ATP10B: variants seen among roughly 807,000 people sequenced by gnomAD.
ATP10B encodes phospholipid-transporting ATPase VB.
ATP10B carries 122 observed loss-of-function variants against 141.2 expected under a neutral mutation model. The observed-to-expected ratio is 0.86, with a 90% CI of 0.75 to 1.00. The LOEUF (loss-of-function observed/expected upper bound fraction) is 1.00. ATP10B is among the 50% of genes least tolerant of loss of function. The pLI, the probability that ATP10B is intolerant of heterozygous loss-of-function variation, is 0.00. For missense variants in ATP10B, 1,876 were observed against 1,825.3 expected, an observed-to-expected ratio of 1.03 and a Z score of -0.51; for synonymous variants, 685 against 692.0, an observed-to-expected ratio of 0.99 and a Z score of 0.16.
At chr5:160,635,499 G>A (rs749283374) in intron 11 of ATP10B, among the ~76,000 whole-genome samples, 2 of 152,086 alleles carry the variant, frequency 1.3e-5, no homozygotes, top group African/African-American at 2.4e-5. Context: ...GATTTAATTC[G>A]CATTTAAAAT....
At chr5:160,628,350 C>T (rs535169637) in intron 13 of ATP10B, among the ~76,000 whole-genome samples, 2 of 152,346 alleles carry the variant, frequency 1.3e-5, no homozygotes, top group South Asian at 2.1e-4. Context: ...TTCACTGCTT[C>T]CTGCCCTGTG....
chr5:160,756,827 T>G (rs2127832610), intron 2 of ATP10B, among the ~76,000 whole-genome samples: 1 of 152,294 alleles, frequency 6.6e-6, no homozygotes, highest in South Asian at 2.1e-4. Flanking sequence ...TAATAAGTTA[T>G]AAGAGTTCTT....
chr5:160,901,413 C>T, the ATP10B span, among the ~76,000 whole-genome samples: 16 of 152,172 alleles, frequency 1.1e-4, no homozygotes, highest in African/African-American at 3.9e-4. Flanking sequence ...GCTAAGGATT[C>T]ATTCATTAAA....
chr5:160,885,883 A>G, the ATP10B span, among the ~76,000 whole-genome samples: 1 of 152,244 alleles, frequency 6.6e-6, no homozygotes, highest in African/African-American at 2.4e-5. Flanking sequence ...TAACTTAGAT[A>G]CACGTCCTCT....
At chr5:160,804,537 T>C (rs1056537178) in intron 1 of ATP10B, among the ~76,000 whole-genome samples, 2 of 152,204 alleles carry the variant, frequency 1.3e-5, no homozygotes, top group African/African-American at 4.8e-5. Context: ...CCCATAGTCA[T>C]ATAGCTGGTA....
chr5:160,914,582 A>G, the ATP10B span, among the ~76,000 whole-genome samples: 2 of 152,038 alleles, frequency 1.3e-5, no homozygotes, highest in African/African-American at 4.8e-5. Flanking sequence ...CTGTACTGCT[A>G]TTTTTTATTG....
the ATP10B span, among the ~76,000 whole-genome samples, chr5:160,924,062 G>A: frequency 3.3e-5 from 5 of 152,166 alleles, no homozygotes; most frequent in African/African-American, 1.2e-4. Context: ...ATAAGATTAG[G>A]CAAAAGAAAA....
intron 1 of ATP10B, among the ~76,000 whole-genome samples, chr5:160,797,728 A>G (rs1455689966): frequency 7.0e-6 from 1 of 142,434 alleles, no homozygotes; most frequent in East Asian, 2.2e-4. Flanking sequence ...GAGAAAGCTA[A>G]GAAAATGCAC....
the ATP10B span, among the ~76,000 whole-genome samples, chr5:160,863,235 G>A: frequency 6.6e-6 from 1 of 151,944 alleles, no homozygotes; most frequent in Non-Finnish European, 1.5e-5. Flanking sequence ...CAGGTGCCTG[G>A]TAACAGCCTG....
Position 160,634,382 on chromosome 5 carries a change from C to T in ATP10B, c.1353G>A (p.Met451Ile), listed in dbSNP as rs1759187945. Reference sequence around the variant, plus strand: ...TTTCTTGGTGAGAATACTCGCTGCCCATGATGGTGCAACGTCGGAACACCA... The same window carrying T: ...TTTCTTGGTGAGAATACTCGCTGCCTATGATGGTGCAACGTCGGAACACCA... ...NKMVFRRCTI[M>I]GSEYSHQENA... Residue 451 changes from methionine (M) to isoleucine (I), a missense_variant, in exon 12 of 26, where the codon ATG becomes ATA. Coordinates refer to ENST00000327245, the MANE Select transcript of ATP10B (RefSeq NM_025153.3). The T allele has an allele frequency of 6.2e-7, 1 of 1,614,122 alleles. No homozygotes were observed. The highest frequency in any genetic ancestry group is 8.5e-7 in the Non-Finnish European group (1 of 1,180,022).
rs79542832 is a variant in ATP10B, at chr5:160,730,322, T to C, written c.-330-13288A>G. ...GTTCTCAACTTTCATACCTGCTACC[T>C]GCTGTCTCATTTCATTGCTACCCTG... On this transcript the variant is annotated intron_variant, in intron 2 of 25. Transcript: ENST00000327245. Among the ~76,000 whole-genome samples the C allele has an allele frequency of 3.3e-3, 495 of 152,258 alleles. 2 individuals carry two copies. Among genetic ancestry groups the C allele is most frequent in the African/African-American group, 0.011 (471 of 41,552 alleles).
the ATP10B span, among the ~76,000 whole-genome samples, chr5:160,929,045 T>C: frequency 6.6e-6 from 1 of 152,174 alleles, no homozygotes; most frequent in East Asian, 1.9e-4. Flanking sequence ...TGGGATCCTG[T>C]TGCTGCTGGT....
chr5:160,603,514 T>C lies in ATP10B; in HGVS notation c.3237+451A>G, dbSNP rs533662166. 3.0e-4 allele frequency: 54 copies of C among 177,676 alleles called. 1 individual carries two copies. The highest frequency in any genetic ancestry group is 2.7e-3 in the Middle Eastern group (1 of 368). The allele number at this position is 177,676 out of a possible 1,614,324, so 11.0% of individuals were successfully genotyped here. A position where few individuals can be genotyped will look rare whatever the true frequency, so the allele number is the denominator to read the frequency against. ...GTAGCCCAATACAATTCTTCTTCCA[T>C]TGTGGCCCAGGGAAGCCAGAAGATT... On this transcript the variant is annotated intron_variant, in intron 20 of 25. Transcript: ENST00000327245.
chr5:160,819,466 C>T (rs1773938188), intron 1 of ATP10B, among the ~76,000 whole-genome samples: 1 of 152,010 alleles, frequency 6.6e-6, no homozygotes, highest in Non-Finnish European at 1.5e-5. Context: ...CATTAATGAA[C>T]AATAAGAAAT....
intron 1 of ATP10B, among the ~76,000 whole-genome samples, chr5:160,797,504 T>C (rs746709299): frequency 7.2e-5 from 11 of 152,184 alleles, no homozygotes; most frequent in Admixed American, 2.0e-4. Context: ...CGATCTTGCC[T>C]CCAGTCTAAG....
At chr5:160,690,404 T>A (rs1764008939) in intron 3 of ATP10B, among the ~76,000 whole-genome samples, 1 of 152,090 alleles carries the variant, frequency 6.6e-6, no homozygotes, top group Admixed American at 6.6e-5. Flanking sequence ...GAAACTATCA[T>A]CAGGGTGAAC....
the ATP10B span, among the ~76,000 whole-genome samples, chr5:160,868,413 A>T: frequency 1.3e-5 from 2 of 152,006 alleles, no homozygotes. Context: ...CATACATTGA[A>T]CATTTTACTT....
chr5:160,724,774 C>T (rs1766222184), intron 2 of ATP10B, among the ~76,000 whole-genome samples: 1 of 152,210 alleles, frequency 6.6e-6, no homozygotes, highest in Non-Finnish European at 1.5e-5. Flanking sequence ...AGCACCTCCT[C>T]TGTTTCTTGC....
At chr5:160,760,054 C>T (rs140598285) in intron 2 of ATP10B, among the ~76,000 whole-genome samples, 33 of 152,204 alleles carry the variant, frequency 2.2e-4, no homozygotes, top group Admixed American at 7.2e-4. Flanking sequence ...TGTGTCTTTA[C>T]GCAATGGAGG....
Sources: gnomAD v4.1 joint callset for allele counts (sites outside exome capture counted in the v4.1 genomes callset) on GRCh38, gnomAD v4.1.1 for gene constraint, MANE v1.5 for transcripts, NCBI Gene and HGNC (gene_info 2026-07-23, HGNC 2026-07-21) for gene names.